RPIA: variants seen among roughly 807,000 people sequenced by gnomAD.
RPIA encodes the protein ribose 5-phosphate isomerase A.
RPIA carries 29 observed loss-of-function variants against 37.8 expected under a neutral mutation model. The observed-to-expected ratio is 0.77, with a 90% CI of 0.57 to 1.05. The LOEUF is 1.05. Ranked by LOEUF, RPIA falls within the 50% of genes least tolerant of loss-of-function variation. RPIA has a pLI of 0.00. For synonymous variants in RPIA, 167 were observed against 157.0 expected, an observed-to-expected ratio of 1.06 and a Z score of -0.48; for missense variants, 385 against 413.6, an observed-to-expected ratio of 0.93 and a Z score of 0.60.
intron 3 of RPIA, among the ~76,000 whole-genome samples, chr2:88,718,081 G>T (rs1349018442): frequency 6.6e-6 from 1 of 151,944 alleles, no homozygotes; most frequent in Non-Finnish European, 1.5e-5. Context: ...CGGAACAGTG[G>T]GGAAAAAAGA....
At chr2:88,715,195 G>A (rs925767100) in intron 3 of RPIA, among the ~76,000 whole-genome samples, 3 of 152,144 alleles carry the variant, frequency 2.0e-5, no homozygotes, top group African/African-American at 7.2e-5. Flanking sequence ...GGATTTTAAG[G>A]GTTTTGGAAT....
intron 8 of RPIA, among the ~76,000 whole-genome samples, chr2:88,748,267 A>G (rs891194310): frequency 6.6e-6 from 1 of 152,188 alleles, no homozygotes; most frequent in African/African-American, 2.4e-5. Flanking sequence ...AGATTATTAC[A>G]CATTGGCTTA....
intron 1 of RPIA, among the ~76,000 whole-genome samples, chr2:88,695,463 GATCACAGA>G (rs1672723470): frequency 6.6e-6 from 1 of 152,228 alleles, no homozygotes; most frequent in Admixed American, 6.5e-5. Context: ...CCATACATTT[GATCACAGA>G]AGTCTTCTGT....
At chr2:88,724,683 A>G (rs1397345355) in intron 3 of RPIA, among the ~76,000 whole-genome samples, 3 of 152,114 alleles carry the variant, frequency 2.0e-5, no homozygotes, top group African/African-American at 4.8e-5. Flanking sequence ...TACTTTTTAA[A>G]CAAGTAAACC....
At chr2:88,713,780 T>C (rs1672997597) in intron 3 of RPIA, among the ~76,000 whole-genome samples, 2 of 152,206 alleles carry the variant, frequency 1.3e-5, no homozygotes, top group African/African-American at 4.8e-5. Flanking sequence ...TTTGCTTCAT[T>C]TTTAGCTTTG....
Position 88,736,656 on chromosome 2 carries a change from C to G in RPIA, c.718C>G (p.Arg240Gly). 1 of 1,613,670 alleles carries G rather than the reference C, an allele frequency of 6.2e-7. No homozygotes were observed. Among genetic ancestry groups the G allele is most frequent in the Non-Finnish European group, 8.5e-7 (1 of 1,179,616 alleles). ...SQKFGGVVEL[R>G]MAVNKAGPVV... ...GAAGTTTGGGGGCGTGGTTGAACTTCGAATGGCTGTCAACAAGGCTGTGAG... is the reference window on the plus strand; with the variant it reads ...GAAGTTTGGGGGCGTGGTTGAACTTGGAATGGCTGTCAACAAGGCTGTGAG... Residue 240 changes from arginine (R) to glycine (G), a missense_variant, in exon 7 of 9, where the codon CGA becomes GGA. Around this residue, in one of 2 missense-constraint regions of RPIA, gnomAD observed 153 missense variants for 210.6 expected, o/e 0.73. Coordinates refer to ENST00000283646, the MANE Select transcript of RPIA (RefSeq NM_144563.3).
rs6761110 is a variant in RPIA at position 88,700,721 on chromosome 2, G to C, written c.402+657G>C. Among the ~76,000 whole-genome samples the C allele has an allele frequency of 1.5e-3, 230 of 152,302 alleles. 2 individuals are homozygous for C. Among genetic ancestry groups the C allele is most frequent in the African/African-American group, 5.4e-3 (224 of 41,564 alleles). On this transcript the variant is annotated intron_variant, in intron 3 of 8. Transcript: ENST00000283646. ...GGTAATGCAAGTACATCATAAAATA[G>C]TAGGAGCTGATGGAGGAAAGCAGTG...
chr2:88,700,482 C>T (rs964697416), intron 3 of RPIA, among the ~76,000 whole-genome samples: 1 of 151,936 alleles, frequency 6.6e-6, no homozygotes, highest in Non-Finnish European at 1.5e-5. Context: ...TGAAAGCCTG[C>T]CTCTACAAAA....
At chr2:88,749,594 C>G (rs1330059757) in intron 8 of RPIA, among the ~76,000 whole-genome samples, 2 of 152,140 alleles carry the variant, frequency 1.3e-5, no homozygotes, top group African/African-American at 4.8e-5. Flanking sequence ...TAGTGGGGCT[C>G]CTTGGCTGGA....
chr2:88,728,114 G>A (rs934005727), intron 3 of RPIA, among the ~76,000 whole-genome samples: 1 of 151,996 alleles, frequency 6.6e-6, no homozygotes, highest in Non-Finnish European at 1.5e-5. Context: ...TGGAAAATGG[G>A]GAGTCTTTTA....
At chr2:88,692,400 C>T (rs60304496) in intron 1 of RPIA, among the ~76,000 whole-genome samples, 6,013 of 152,142 alleles carry the variant, frequency 0.04, 400 homozygotes, top group African/African-American at 0.14. Flanking sequence ...AGTTGGTTTG[C>T]TAGTGCTTTG....
At chr2:88,713,582 A>G (rs933552627) in intron 3 of RPIA, among the ~76,000 whole-genome samples, 12 of 152,174 alleles carry the variant, frequency 7.9e-5, no homozygotes, top group Non-Finnish European at 1.5e-4. Context: ...GTCTCTTGGT[A>G]TGGATCTATT....
intron 8 of RPIA, among the ~76,000 whole-genome samples, chr2:88,747,634 C>G (rs1167016042): frequency 6.6e-6 from 1 of 152,132 alleles, no homozygotes; most frequent in Non-Finnish European, 1.5e-5. Context: ...CTGGAAGTGT[C>G]TACAGGGCTC....
intron 3 of RPIA, among the ~76,000 whole-genome samples, chr2:88,728,133 A>G (rs191731024): frequency 3.9e-5 from 6 of 152,366 alleles, no homozygotes; most frequent in Admixed American, 3.9e-4. Context: ...TAAACACCAC[A>G]ACAATACTAA....
intron 3 of RPIA, among the ~76,000 whole-genome samples, chr2:88,713,879 C>T (rs1279609243): frequency 3.4e-5 from 5 of 148,368 alleles, no homozygotes; most frequent in Admixed American, 1.3e-4. Context: ...GAAAATTTTT[C>T]GTAGTAGGAT....
intron 8 of RPIA, among the ~76,000 whole-genome samples, chr2:88,744,023 C>G (rs1367624552): frequency 1.3e-5 from 2 of 151,862 alleles, no homozygotes; most frequent in Non-Finnish European, 2.9e-5. Context: ...CTGCTCTTAT[C>G]TTAGTTATTT....
At chr2:88,703,386 A>G (rs1490741052) in intron 3 of RPIA, among the ~76,000 whole-genome samples, 1 of 152,230 alleles carries the variant, frequency 6.6e-6, no homozygotes, top group African/African-American at 2.4e-5. Flanking sequence ...CTGCCTGGGC[A>G]TCCAGGTGTT....
At chr2:88,700,571 T>C (rs1176781218) in intron 3 of RPIA, among the ~76,000 whole-genome samples, 1 of 152,156 alleles carries the variant, frequency 6.6e-6, no homozygotes, top group East Asian at 1.9e-4. Flanking sequence ...AGGATCTCCC[T>C]TGAGCCCAGG....
chr2:88,696,934 G>C (rs536781911), intron 1 of RPIA, among the ~76,000 whole-genome samples: 1 of 152,142 alleles, frequency 6.6e-6, no homozygotes, highest in African/African-American at 2.4e-5. Context: ...AAATTTCAAC[G>C]TGAGTTTTGG....
Sources: gnomAD v4.1 joint callset for allele counts (sites outside exome capture counted in the v4.1 genomes callset) on GRCh38, gnomAD v4.1.1 for gene constraint, gnomAD v4.1.1 regional missense constraint, MANE v1.5 for transcripts, NCBI Gene and HGNC (gene_info 2026-07-23, HGNC 2026-07-21) for gene names.